Variants in LINGO1 observed in about 807,000 individuals in gnomAD.
The protein encoded by LINGO1 is leucine rich repeat and Ig domain containing 1.
In LINGO1, 11 loss-of-function variants were observed where a neutral mutation model predicts 37.3. That is an observed-to-expected ratio of 0.29 (90% CI 0.19 to 0.49). The LOEUF (loss-of-function observed/expected upper bound fraction) is 0.49. Ranked by LOEUF, LINGO1 falls within the 20% of genes least tolerant of loss-of-function variation. LINGO1 has a pLI of 0.99. For missense variants in LINGO1, 585 were observed against 878.2 expected (o/e 0.67, Z 4.22); for synonymous variants, 387 against 403.0 (o/e 0.96, Z 0.48).
In LINGO1 at chr15:77,622,131, G is replaced by A. The variant is rs1047347861; in HGVS notation, c.7-6231C>T. Among the ~76,000 whole-genome samples, 187 of 152,202 alleles carry A rather than the reference G, an allele frequency of 1.2e-3. 1 individual carries two copies. Among genetic ancestry groups the A allele is most frequent in the Non-Finnish European group, 7.2e-4 (49 of 68,036 alleles). ...GGAGGATGGCAGGCCTGGGAAGGGG[G>A]CTAGAGCACTTCGGAAAGTCTGCCC... On this transcript the variant is annotated intron_variant, in intron 1 of 1. Transcript: ENST00000355300.
chr15:77,622,799 T>C (rs8024724), intron 1 of LINGO1, among the ~76,000 whole-genome samples: 32,030 of 152,120 alleles, frequency 0.21, 5,156 homozygotes, highest in African/African-American at 0.45. Context: ...ACCATCCGTT[T>C]CCCATGCCTA....
rs554849438 is a variant in LINGO1 at position 77,773,224 on chromosome 15, A to C, written c.-257+13645T>G. 7.9e-5 allele frequency among the ~76,000 whole-genome samples: 12 copies of C among 152,302 alleles called. No individual in the cohort carries two copies. The South Asian group carries it at 2.5e-3, about 32-fold the overall frequency. ...GGGAGGCCGGACCATGTGACTGCTG[A>C]AGATCCATGGGACTCCTGGGAGGCT... is the stretch of plus-strand genomic sequence containing the variant. On this transcript the variant is annotated intron_variant, in intron 1 of 3. Transcript: ENST00000561686.
At chr15:77,760,315 G>A (rs756061282) in intron 1 of LINGO1, among the ~76,000 whole-genome samples, 1 of 152,212 alleles carries the variant, frequency 6.6e-6, no homozygotes, top group Non-Finnish European at 1.5e-5. Flanking sequence ...GGGTGTCCAG[G>A]CTCCCGTCCC....
chr15:77,617,621 C>T (rs1260056472), intron 1 of LINGO1, among the ~76,000 whole-genome samples: 1 of 152,218 alleles, frequency 6.6e-6, no homozygotes, highest in Non-Finnish European at 1.5e-5. Context: ...CCCCTGCTTT[C>T]ATGGCCACAG....
chr15:77,696,785 C>A (rs1028124584), upstream of LINGO1, among the ~76,000 whole-genome samples: 2 of 152,242 alleles, frequency 1.3e-5, no homozygotes, highest in African/African-American at 4.8e-5. Flanking sequence ...ACCGACCCCT[C>A]TTCATCTTCC....
chr15:77,758,111 T>C (rs1268453093), intron 1 of LINGO1, among the ~76,000 whole-genome samples: 1 of 152,140 alleles, frequency 6.6e-6, no homozygotes, highest in Admixed American at 6.5e-5. Flanking sequence ...TTTGTTTTAA[T>C]GGTGGGAAGG....
chr15:77,700,140 G>A (rs1443582548), upstream of LINGO1, among the ~76,000 whole-genome samples: 2 of 152,130 alleles, frequency 1.3e-5, no homozygotes, highest in East Asian at 1.9e-4. Flanking sequence ...GGGTCCCTTG[G>A]CAGATTGGCC....
At chr15:77,780,500 T>G (rs1179036518) in intron 1 of LINGO1, among the ~76,000 whole-genome samples, 1 of 151,956 alleles carries the variant, frequency 6.6e-6, no homozygotes, top group African/African-American at 2.4e-5. Context: ...AGGCCTGTGC[T>G]GGGAGGAGAC....
chr15:77,734,447 C>T (rs2076183424), intron 2 of LINGO1, among the ~76,000 whole-genome samples: 1 of 152,020 alleles, frequency 6.6e-6, no homozygotes, highest in African/African-American at 2.4e-5. Flanking sequence ...GTCAGCCTTG[C>T]CGCCCCTCAT....
At chr15:77,653,311 A>C (rs1486997349) in intron 3 of LINGO1, among the ~76,000 whole-genome samples, 2 of 152,048 alleles carry the variant, frequency 1.3e-5, no homozygotes, top group African/African-American at 4.8e-5. Flanking sequence ...TTGGCTACTC[A>C]TCTTGAACTG....
intron 2 of LINGO1, chr15:77,677,274 T>C (rs1310118476): frequency 2.0e-5 from 3 of 151,760 alleles, no homozygotes; most frequent in South Asian, 2.1e-4. Flanking sequence ...TGGATCCCCA[T>C]TGCCCAGCCC....
At chr15:77,757,478 C>T (rs2076431910) in intron 1 of LINGO1, among the ~76,000 whole-genome samples, 1 of 152,252 alleles carries the variant, frequency 6.6e-6, no homozygotes, top group African/African-American at 2.4e-5. Context: ...GATTCCTTTC[C>T]ATTTTCCTGC....
intron 2 of LINGO1, among the ~76,000 whole-genome samples, chr15:77,734,706 G>A (rs1315902678): frequency 2.6e-5 from 4 of 151,914 alleles, no homozygotes; most frequent in African/African-American, 9.7e-5. Flanking sequence ...ACTCCCCAGG[G>A]CCCCAGCGGT....
chr15:77,685,003 C>A (rs1053302538), intron 2 of LINGO1, among the ~76,000 whole-genome samples: 4 of 143,878 alleles, frequency 2.8e-5, no homozygotes, highest in Non-Finnish European at 4.5e-5. Context: ...TGGGCCCAGC[C>A]TAGAAGGATG....
At chr15:77,678,394 G>A (rs1357427293) in intron 2 of LINGO1, among the ~76,000 whole-genome samples, 7 of 152,118 alleles carry the variant, frequency 4.6e-5, no homozygotes, top group African/African-American at 1.4e-4. Context: ...GTTGTTTTGC[G>A]TTTTCCAGAG....
intron 2 of LINGO1, among the ~76,000 whole-genome samples, chr15:77,727,368 C>A (rs914119647): frequency 1.3e-5 from 2 of 152,032 alleles, no homozygotes; most frequent in African/African-American, 2.4e-5. Context: ...AACAGATAAA[C>A]AAAATGTGGT....
chr15:77,778,396 A>G (rs901504053), intron 1 of LINGO1, among the ~76,000 whole-genome samples: 1 of 152,182 alleles, frequency 6.6e-6, no homozygotes, highest in Non-Finnish European at 1.5e-5. Context: ...GCGGGCCTGG[A>G]TATCATTGAA....
At chr15:77,712,271 C>T (rs1021680572) in intron 2 of LINGO1, among the ~76,000 whole-genome samples, 2 of 152,142 alleles carry the variant, frequency 1.3e-5, no homozygotes, top group African/African-American at 2.4e-5. Context: ...GCTGGCCCTC[C>T]AGCTCCTCTC....
Position 77,733,501 on chromosome 15 carries a change from C to A in LINGO1, c.-195+1491G>T, listed in dbSNP as rs539229939. Among the ~76,000 whole-genome samples, 5 of 152,266 alleles carry A rather than the reference C, an allele frequency of 3.3e-5. No individual in the cohort carries two copies. In the East Asian group the frequency reaches 9.7e-4, roughly 29 times the overall value. ...CCAAGGGCGTGGCCTCCAACCATAGCCCTCCTCTCAGGTAACCCACCACTG... is the reference window on the plus strand; with the variant it reads ...CCAAGGGCGTGGCCTCCAACCATAGACCTCCTCTCAGGTAACCCACCACTG... On this transcript the variant is annotated intron_variant, in intron 2 of 3. Transcript: ENST00000561686.
Sources: allele counts gnomAD v4.1 joint callset (sites outside exome capture counted in the v4.1 genomes callset), GRCh38; gene constraint gnomAD v4.1.1; transcripts MANE v1.5; gene names NCBI Gene and HGNC (gene_info 2026-07-23, HGNC 2026-07-21).